Variants in CHN2 observed in about 807,000 individuals in gnomAD.
CHN2 encodes the protein beta-chimaerin.
A neutral mutation model predicts 56.3 loss-of-function variants in CHN2; 35 were observed. That is an observed-to-expected ratio of 0.62 (90% CI 0.47 to 0.82). CHN2 has a LOEUF of 0.82. Among genes scored for constraint, CHN2 ranks in the 40% least tolerant of loss-of-function variants. The pLI is 0.00. For synonymous variants in CHN2, 210 were observed against 212.8 expected (o/e 0.99, Z 0.12); for missense variants, 491 against 580.5 (o/e 0.85, Z 1.58).
At chr7:29,443,034 G>A (rs1226535301) in intron 6 of CHN2, among the ~76,000 whole-genome samples, 1 of 144,854 alleles carries the variant, frequency 6.9e-6, no homozygotes, top group South Asian at 2.2e-4. Flanking sequence ...TCCGCTTCCC[G>A]GGTTCACGCC....
intron 1 of CHN2, among the ~76,000 whole-genome samples, chr7:29,205,395 A>T (rs890919458): frequency 1.3e-5 from 2 of 152,208 alleles, no homozygotes; most frequent in African/African-American, 4.8e-5. Context: ...AGCACCAAAT[A>T]GCTCTCAGAG....
intron 2 of CHN2, among the ~76,000 whole-genome samples, chr7:29,156,106 G>GC (rs1383668527): frequency 6.6e-6 from 1 of 152,212 alleles, no homozygotes; most frequent in Non-Finnish European, 1.5e-5. Context: ...TGCAAGGTGA[G>GC]CCCTCAGACA....
At chr7:29,212,006 T>C (rs962570349) in intron 1 of CHN2, among the ~76,000 whole-genome samples, 1 of 152,164 alleles carries the variant, frequency 6.6e-6, no homozygotes, top group African/African-American at 2.4e-5. Flanking sequence ...TTCCACTCCA[T>C]CCCATACCCA....
intron 1 of CHN2, among the ~76,000 whole-genome samples, chr7:29,298,153 C>G (rs1793340336): frequency 6.6e-6 from 1 of 152,226 alleles, no homozygotes; most frequent in Non-Finnish European, 1.5e-5. Context: ...TCTATCCCCA[C>G]TACTGTTAGT....
In CHN2 at chr7:29,158,292, G is replaced by A. The variant is rs534142184; in HGVS notation, c.274+11332G>A. ...TTATAGCACACACATATTTTCTTAGGACCTCAGTTTCCACCATCCTATAAT... is the reference window on the plus strand; with the variant it reads ...TTATAGCACACACATATTTTCTTAGAACCTCAGTTTCCACCATCCTATAAT... On this transcript the variant is annotated intron_variant, in intron 2 of 6. Coordinates refer to the CHN2 transcript ENST00000439384. Among the ~76,000 whole-genome samples the A allele has an allele frequency of 8.5e-5, 13 of 152,254 alleles. No individual in the cohort carries two copies. In the South Asian group the frequency reaches 2.7e-3, roughly 32 times the overall value.
intron 1 of CHN2, among the ~76,000 whole-genome samples, chr7:29,233,919 C>T (rs1440634653): frequency 2.1e-5 from 3 of 140,944 alleles, no homozygotes; most frequent in African/African-American, 5.3e-5. Context: ...CTGCAAGCTC[C>T]GCCTCCCGGG....
chr7:29,300,777 T>A (rs1475754607), intron 1 of CHN2, among the ~76,000 whole-genome samples: 2 of 152,246 alleles, frequency 1.3e-5, no homozygotes, highest in Non-Finnish European at 2.9e-5. Context: ...CAGGAATTCT[T>A]TAAGCAGCAA....
In CHN2 at chr7:29,256,329, G is replaced by T. The variant is rs369904938; in HGVS notation, c.49+61339G>T. On this transcript the variant is annotated intron_variant, in intron 1 of 12. Transcript: ENST00000222792. Reference sequence around the variant, plus strand: ...GAACACTTTATCTCTAATAAAGCTGGAGTGTAATGACTCATTCTCACATAG... The same window carrying T: ...GAACACTTTATCTCTAATAAAGCTGTAGTGTAATGACTCATTCTCACATAG... Among the ~76,000 whole-genome samples, 5 of 152,320 alleles carry T rather than the reference G, an allele frequency of 3.3e-5. No homozygotes were observed. In the East Asian group the frequency reaches 7.7e-4, roughly 23 times the overall value.
At chr7:29,400,340 G>T (rs562834976) in intron 5 of CHN2, 3 of 600,234 alleles carry the variant, frequency 5.0e-6, no homozygotes, top group African/African-American at 3.7e-5. Context: ...TCAAGCATCA[G>T]TTACCTTTGC....
intron 6 of CHN2, among the ~76,000 whole-genome samples, chr7:29,432,838 A>G (rs896147578): frequency 6.6e-6 from 1 of 152,094 alleles, no homozygotes; most frequent in African/African-American, 2.4e-5. Flanking sequence ...TTTGGAATAT[A>G]ATTATGTTTT....
intron 2 of CHN2, chr7:29,146,981 A>C (rs1396973347): frequency 1.3e-6 from 2 of 1,550,672 alleles, no homozygotes; most frequent in Non-Finnish European, 1.7e-6. Context: ...ACCAAGTGCC[A>C]CTGTCCTGCC....
chr7:29,364,358 A>G (rs1798975123), intron 2 of CHN2, among the ~76,000 whole-genome samples: 1 of 152,248 alleles, frequency 6.6e-6, no homozygotes, highest in African/African-American at 2.4e-5. Context: ...CTTCTCTTTT[A>G]TAACAGGTAT....
intron 1 of CHN2, among the ~76,000 whole-genome samples, chr7:29,327,862 C>T (rs1166998299): frequency 1.3e-5 from 2 of 152,236 alleles, no homozygotes; most frequent in Admixed American, 1.3e-4. Context: ...ATTTTTTATT[C>T]ATTTTGTAGC....
intron 2 of CHN2, among the ~76,000 whole-genome samples, chr7:29,163,918 G>A (rs569552099): frequency 2.0e-5 from 3 of 152,214 alleles, no homozygotes; most frequent in South Asian, 4.2e-4. Context: ...CCATTTACTT[G>A]TTCAAGGACA....
intron 1 of CHN2, among the ~76,000 whole-genome samples, chr7:29,216,280 A>T (rs986161732): frequency 6.6e-5 from 10 of 152,182 alleles, no homozygotes; most frequent in African/African-American, 2.4e-4. Context: ...GGTTGGGGAA[A>T]TTGGTAGAGG....
intron 1 of CHN2, among the ~76,000 whole-genome samples, chr7:29,345,688 G>A (rs569881845): frequency 1.3e-5 from 2 of 152,138 alleles, no homozygotes; most frequent in East Asian, 1.9e-4. Flanking sequence ...TATTGTGCCC[G>A]AGGACTGGCT....
chr7:29,147,610 T>C (rs958309591), intron 2 of CHN2, among the ~76,000 whole-genome samples: 2 of 152,204 alleles, frequency 1.3e-5, no homozygotes, highest in Non-Finnish European at 2.9e-5. Flanking sequence ...AAGTATGTGC[T>C]CAGTGACTGC....
At chr7:29,489,880 C>CA (rs1418130369) in intron 7 of CHN2, among the ~76,000 whole-genome samples, 1 of 151,824 alleles carries the variant, frequency 6.6e-6, no homozygotes, top group African/African-American at 2.4e-5. Context: ...AAAATATTGG[C>CA]AAAAAAAGTG....
At chr7:29,421,976 A>G (rs1405041061) in intron 6 of CHN2, among the ~76,000 whole-genome samples, 1 of 152,220 alleles carries the variant, frequency 6.6e-6, no homozygotes, top group African/African-American at 2.4e-5. Flanking sequence ...GACTATTAAC[A>G]TGGGAATCAC....
Sources: allele counts gnomAD v4.1 joint callset (sites outside exome capture counted in the v4.1 genomes callset), GRCh38; gene constraint gnomAD v4.1.1; transcripts MANE v1.5; gene names NCBI Gene and HGNC (gene_info 2026-07-23, HGNC 2026-07-21).